Variants in ERC1 observed in about 807,000 individuals in gnomAD.
ERC1 encodes the protein RAB6 interacting protein 2.
ERC1 carries 56 observed loss-of-function variants against 132.0 expected under a neutral mutation model. That is an observed-to-expected ratio of 0.42 (90% CI 0.34 to 0.53). ERC1 has a LOEUF of 0.53. Ranked by LOEUF, ERC1 falls within the 20% of genes least tolerant of loss-of-function variation. The pLI, the probability that ERC1 is intolerant of heterozygous loss-of-function variation, is 0.03. For synonymous variants in ERC1, 478 were observed against 476.1 expected, an observed-to-expected ratio of 1.00 and a Z score of -0.05; for missense variants, 1,202 against 1,349.9, an observed-to-expected ratio of 0.89 and a Z score of 1.72.
chr12:1,021,475 G>A (rs558238812), intron 1 of ERC1, among the ~76,000 whole-genome samples: 7 of 151,848 alleles, frequency 4.6e-5, no homozygotes, highest in Non-Finnish European at 1.0e-4. Flanking sequence ...TTGGGAGGCC[G>A]AGGTGGGCGG....
At chr12:1,345,384 CG>C (rs1391181228) in intron 15 of ERC1, among the ~76,000 whole-genome samples, 4 of 151,944 alleles carry the variant, frequency 2.6e-5, no homozygotes, top group African/African-American at 9.7e-5. Context: ...GGGATTTCAC[CG>C]TGTTAGCCAG....
chr12:1,005,735 G>A (rs1963443839), intron 1 of ERC1, among the ~76,000 whole-genome samples: 1 of 151,906 alleles, frequency 6.6e-6, no homozygotes, highest in South Asian at 2.1e-4. Context: ...ATTGAAAATG[G>A]GCATAAATTA....
chr12:1,036,700 G>T (rs1445509385), intron 2 of ERC1, among the ~76,000 whole-genome samples: 1 of 152,098 alleles, frequency 6.6e-6, no homozygotes, highest in African/African-American at 2.4e-5. Context: ...TCATGAGGTT[G>T]CTAGTTGTTT....
In ERC1 at chr12:1,121,640, G is replaced by GATCTCT. The variant is rs1186900552; in HGVS notation, c.1569+5642_1569+5647dup. Among the ~76,000 whole-genome samples the GATCTCT allele has an allele frequency of 5.1e-3, 448 of 88,490 alleles. 69 individuals are homozygous for GATCTCT. Among genetic ancestry groups the GATCTCT allele is most frequent in the Admixed American group, 0.011 (81 of 7,664 alleles). The allele number at this position is 88,490 out of a possible 152,430, so 58.1% of individuals were successfully genotyped here. A position where few individuals can be genotyped will look rare whatever the true frequency, so the allele number is the denominator to read the frequency against. On this transcript the variant is annotated intron_variant, in intron 7 of 18. Transcript: ENST00000360905. ...AGTGGCAAATGAAACAAAGGCTGAT[G>GATCTCT]ATCTCTATCTCTATCTCTATCTCTA...
At chr12:1,059,243 T>G (rs1973572882) in intron 2 of ERC1, among the ~76,000 whole-genome samples, 1 of 152,172 alleles carries the variant, frequency 6.6e-6, no homozygotes, top group Non-Finnish European at 1.5e-5. Context: ...GATGGAGTCT[T>G]TAGGTTTTTC....
chr12:1,234,201 T>A (rs2075263588), intron 12 of ERC1, among the ~76,000 whole-genome samples: 1 of 152,232 alleles, frequency 6.6e-6, no homozygotes, highest in Non-Finnish European at 1.5e-5. Context: ...GCAAAAGTGA[T>A]ACACGTTCAG....
At chr12:1,417,780 CAAAA>C (rs59219151) in intron 17 of ERC1, among the ~76,000 whole-genome samples, 8 of 83,690 alleles carry the variant, frequency 9.6e-5, no homozygotes, top group African/African-American at 2.0e-4. Context: ...GACTCCATCT[CAAAA>C]AAAAAAAAAA....
intron 17 of ERC1, among the ~76,000 whole-genome samples, chr12:1,428,226 T>C (rs1458848393): frequency 6.6e-6 from 1 of 152,236 alleles, no homozygotes; most frequent in Non-Finnish European, 1.5e-5. Flanking sequence ...AATAAAACTC[T>C]TCACGTATTA....
intron 17 of ERC1, among the ~76,000 whole-genome samples, chr12:1,428,139 A>G (rs1034708007): frequency 2.6e-5 from 4 of 152,210 alleles, no homozygotes; most frequent in African/African-American, 7.2e-5. Flanking sequence ...AGGAAGAGCT[A>G]TCTTCCCCTA....
At chr12:1,019,164 C>T (rs1965957456) in intron 1 of ERC1, among the ~76,000 whole-genome samples, 2 of 152,198 alleles carry the variant, frequency 1.3e-5, no homozygotes, top group South Asian at 4.1e-4. Flanking sequence ...GGCTCTGTCT[C>T]CCAGGCTGGA....
chr12:1,293,099 GCA>G (rs1279311495), intron 15 of ERC1, among the ~76,000 whole-genome samples: 2,013 of 145,932 alleles, frequency 0.014, 21 homozygotes, highest in Middle Eastern at 0.065. Context: ...AGCTGAGATT[GCA>G]CCATTGCACT....
At chr12:1,389,008 C>G (rs901382075) in intron 16 of ERC1, among the ~76,000 whole-genome samples, 2 of 152,168 alleles carry the variant, frequency 1.3e-5, no homozygotes, top group African/African-American at 2.4e-5. Flanking sequence ...CAGTATGAGG[C>G]CTTCTTGGTC....
chr12:1,099,059 A>C (rs1329897759), intron 3 of ERC1, among the ~76,000 whole-genome samples: 1 of 152,208 alleles, frequency 6.6e-6, no homozygotes, highest in East Asian at 1.9e-4. Context: ...AGATGAGGAC[A>C]GAAATGTGTT....
chr12:1,186,674 A>C (rs1760124448), intron 11 of ERC1, among the ~76,000 whole-genome samples: 1 of 152,222 alleles, frequency 6.6e-6, no homozygotes, highest in African/African-American at 2.4e-5. Context: ...TTAGAACTTA[A>C]TGGGTAAGAA....
At chr12:1,375,278 G>A (rs908160362) in intron 16 of ERC1, among the ~76,000 whole-genome samples, 18 of 152,258 alleles carry the variant, frequency 1.2e-4, no homozygotes, top group African/African-American at 4.1e-4. Context: ...AGGAGAGAGA[G>A]CGATCAAGCG....
At chr12:1,112,445 TTAAC>T (rs755794329) in intron 6 of ERC1, 147 bp downstream of exon 6, 5 of 561,954 alleles carry the variant, frequency 8.9e-6, no homozygotes, top group Non-Finnish European at 1.6e-5. Context: ...GCTCTGCTCT[TTAAC>T]TGACTCCTGT....
intron 12 of ERC1, among the ~76,000 whole-genome samples, chr12:1,225,837 C>T (rs745512776): frequency 6.6e-6 from 1 of 152,138 alleles, no homozygotes; most frequent in Non-Finnish European, 1.5e-5. Context: ...GGAATTTCTG[C>T]ACCATTTAAA....
intron 16 of ERC1, among the ~76,000 whole-genome samples, chr12:1,383,650 C>T (rs1216643196): frequency 2.6e-5 from 4 of 152,014 alleles, no homozygotes; most frequent in East Asian, 1.9e-4. Context: ...ACAAAAAAAG[C>T]GAATGTGGAA....
At chr12:1,403,723 T>A (rs1477590349) in intron 16 of ERC1, among the ~76,000 whole-genome samples, 4 of 152,212 alleles carry the variant, frequency 2.6e-5, no homozygotes, top group Non-Finnish European at 5.9e-5. Flanking sequence ...TTTAAATGCG[T>A]TCTGCCTTGA....
Sources: allele counts gnomAD v4.1 joint callset (sites outside exome capture counted in the v4.1 genomes callset), GRCh38; gene constraint gnomAD v4.1.1; transcripts MANE v1.5; gene names NCBI Gene and HGNC (gene_info 2026-07-23, HGNC 2026-07-21).